Variants in PRDM5 observed in about 807,000 individuals in gnomAD.
PRDM5 encodes the protein PR/SET domain 5.
Under a neutral mutation model 81.2 loss-of-function variants are expected in PRDM5, and 56 were observed. The observed-to-expected ratio is 0.69, with a 90% CI of 0.56 to 0.86. The LOEUF is 0.86. PRDM5 is among the 40% of genes least tolerant of loss of function. The pLI is 0.00. For synonymous variants in PRDM5, 267 were observed against 256.4 expected (o/e 1.04, Z -0.39); for missense variants, 697 against 770.1 (o/e 0.91, Z 1.12).
chr4:120,730,142 G>A lies in PRDM5; in HGVS notation c.1624-19729C>T, dbSNP rs557305255. 3.2e-4 allele frequency among the ~76,000 whole-genome samples: 48 copies of A among 152,210 alleles called. No homozygotes were observed. The South Asian group carries it at 8.1e-3, about 26-fold the overall frequency. On this transcript the variant is annotated intron_variant, in intron 14 of 15. Transcript: ENST00000264808. ...TCCAGTCTTGGGCTGCCTATTAATA[G>A]TCATTGTAGTAATGACTACCTGGAA...
intron 3 of PRDM5, among the ~76,000 whole-genome samples, chr4:120,827,683 G>A (rs181128551): frequency 2.4e-4 from 36 of 152,148 alleles, no homozygotes; most frequent in African/African-American, 7.2e-4. Context: ...AGCACACTGG[G>A]TGGGAAGTTC....
At chr4:120,822,678 C>CT (rs1755443227) in intron 3 of PRDM5, among the ~76,000 whole-genome samples, 3 of 151,934 alleles carry the variant, frequency 2.0e-5, no homozygotes, top group African/African-American at 4.8e-5. Flanking sequence ...TTTGGGAGGG[C>CT]TTTTTTGAAT....
chr4:120,877,209 C>T (rs898420217), intron 2 of PRDM5, among the ~76,000 whole-genome samples: 7 of 152,126 alleles, frequency 4.6e-5, no homozygotes, highest in African/African-American at 4.8e-5. Flanking sequence ...TATATTTTTA[C>T]GGCCTTGAAT....
In PRDM5 at chr4:120,692,971, T is replaced by C. The variant is rs1734173826; in HGVS notation, c.*2140A>G. 1 of 152,092 alleles carries C rather than the reference T, an allele frequency of 6.6e-6. No individual in the cohort carries two copies. Among genetic ancestry groups the C allele is most frequent in the African/African-American group, 2.4e-5 (1 of 41,434 alleles). The allele number at this position is 152,092 out of a possible 1,614,324, so 9.4% of individuals were successfully genotyped here. A position where few individuals can be genotyped will look rare whatever the true frequency, so the allele number is the denominator to read the frequency against. ...TGGATAAAAATTTACAGCATACAAATAGTCTACTAAGGACTTGTTTTGGTT... is the reference window on the plus strand; with the variant it reads ...TGGATAAAAATTTACAGCATACAAACAGTCTACTAAGGACTTGTTTTGGTT... On this transcript the variant is annotated 3_prime_UTR_variant, in exon 16 of 16. Transcript: ENST00000264808.
chr4:120,815,537 A>T (rs2149334101), intron 7 of PRDM5, among the ~76,000 whole-genome samples: 1 of 152,338 alleles, frequency 6.6e-6, no homozygotes, highest in East Asian at 1.9e-4. Context: ...TACTTTTTGG[A>T]CAATGAACAA....
chr4:120,699,255 T>C (rs1443059711), intron 15 of PRDM5, among the ~76,000 whole-genome samples: 1 of 146,928 alleles, frequency 6.8e-6, no homozygotes, highest in East Asian at 2.0e-4. Context: ...TCTCATCACA[T>C]ATGATGATGT....
chr4:120,812,418 A>C (rs1438375454), intron 7 of PRDM5: 1 of 158,344 alleles, frequency 6.3e-6, no homozygotes, highest in Non-Finnish European at 1.3e-5. Context: ...CCCTTTCTCC[A>C]CATCCTCTCC....
At chr4:120,821,835 G>A (rs570032128) in intron 3 of PRDM5, among the ~76,000 whole-genome samples, 75 of 150,916 alleles carry the variant, frequency 5.0e-4, no homozygotes, top group Non-Finnish European at 7.1e-4. Context: ...ACCTGGTCCC[G>A]AAATAGAAAA....
chr4:120,869,054 C>T (rs1015693115), intron 2 of PRDM5, among the ~76,000 whole-genome samples: 2 of 151,986 alleles, frequency 1.3e-5, no homozygotes, highest in Admixed American at 1.3e-4. Flanking sequence ...AAAGAATATA[C>T]ATATATATGT....
intron 2 of PRDM5, among the ~76,000 whole-genome samples, chr4:120,902,400 GT>G (rs1356430548): frequency 2.6e-5 from 4 of 152,146 alleles, no homozygotes; most frequent in African/African-American, 9.7e-5. Context: ...ATTATTGAGA[GT>G]TTAGCAAATA....
intron 2 of PRDM5, among the ~76,000 whole-genome samples, chr4:120,886,112 A>G (rs560612648): frequency 6.6e-6 from 1 of 152,330 alleles, no homozygotes; most frequent in African/African-American, 2.4e-5. Flanking sequence ...GGAAGAATGC[A>G]CTATGACATT....
chr4:120,796,014 C>T (rs1751298676), intron 10 of PRDM5, among the ~76,000 whole-genome samples: 1 of 152,144 alleles, frequency 6.6e-6, no homozygotes, highest in East Asian at 1.9e-4. Flanking sequence ...CCCAAAATAA[C>T]TCAAATAAGT....
chr4:120,914,206 T>G (rs921740961), intron 1 of PRDM5, among the ~76,000 whole-genome samples: 8 of 151,934 alleles, frequency 5.3e-5, no homozygotes, highest in Admixed American at 4.6e-4. Context: ...AAAAAAAACT[T>G]TTAAGAGTTA....
rs75696464 is a variant in PRDM5 at position 120,750,664 on chromosome 4, A to G, written c.1623+3889T>C. ...TAAGCAGTATTTACTTTAGTCTCCT[A>G]GACTTAGAGACTTAGTTTCTTTTAC... On this transcript the variant is annotated intron_variant, in intron 14 of 15. Coordinates refer to ENST00000264808, the MANE Select transcript of PRDM5 (RefSeq NM_018699.4). Among the ~76,000 whole-genome samples, 578 of 148,620 alleles carry G rather than the reference A, an allele frequency of 3.9e-3. 3 individuals carry two copies. The highest frequency in any genetic ancestry group is 0.014 in the African/African-American group (554 of 40,230).
intron 2 of PRDM5, among the ~76,000 whole-genome samples, chr4:120,868,905 T>A (rs1403236085): frequency 1.3e-5 from 2 of 152,158 alleles, no homozygotes; most frequent in East Asian, 3.8e-4. Flanking sequence ...TTCTTTTCCA[T>A]GTCACCTACA....
chr4:120,853,660 A>G (rs988066839), intron 2 of PRDM5, 120 bp from the exon 3 acceptor site: 114 of 1,308,060 alleles, frequency 8.7e-5, no homozygotes, highest in Non-Finnish European at 1.2e-4. Context: ...ATGGGTGATA[A>G]ATAGAAGTTG....
intron 1 of PRDM5, 81 bp from the exon 2 acceptor site, chr4:120,907,638 T>C: frequency 4.5e-6 from 5 of 1,105,224 alleles, no homozygotes; most frequent in Non-Finnish European, 7.0e-6. Flanking sequence ...TCTTCTGGAA[T>C]GTTTTTCTGC....
intron 13 of PRDM5, among the ~76,000 whole-genome samples, chr4:120,770,108 C>A (rs1747041510): frequency 6.6e-6 from 1 of 152,170 alleles, no homozygotes; most frequent in Non-Finnish European, 1.5e-5. Flanking sequence ...TCTTGGTTCA[C>A]TGCAACCTCC....
At chr4:120,699,021 G>A (rs1403784719) in intron 15 of PRDM5, among the ~76,000 whole-genome samples, 1 of 150,878 alleles carries the variant, frequency 6.6e-6, no homozygotes, top group Non-Finnish European at 1.5e-5. Flanking sequence ...AAAATTTTGA[G>A]GATAAAGACA....
Sources: gnomAD v4.1 joint callset for allele counts (sites outside exome capture counted in the v4.1 genomes callset) on GRCh38, gnomAD v4.1.1 for gene constraint, MANE v1.5 for transcripts, NCBI Gene and HGNC (gene_info 2026-07-23, HGNC 2026-07-21) for gene names.